TBC1D8: variants seen among roughly 807,000 people sequenced by gnomAD.
TBC1D8 encodes TBC1 domain family member 8, also known as BUB2-like protein 1.
In TBC1D8, 65 loss-of-function variants were observed where a neutral mutation model predicts 118.8. That is an observed-to-expected ratio of 0.55 (90% CI 0.45 to 0.67). The LOEUF is 0.67. Among genes scored for constraint, TBC1D8 ranks in the 30% least tolerant of loss-of-function variants. TBC1D8 has a pLI of 0.00. For synonymous variants in TBC1D8, 566 were observed against 595.8 expected (o/e 0.95, Z 0.73); for missense variants, 1,376 against 1,471.2 (o/e 0.94, Z 1.06).
At chr2:101,101,944 A>C (rs1463814387) in intron 1 of TBC1D8, among the ~76,000 whole-genome samples, 1 of 151,996 alleles carries the variant, frequency 6.6e-6, no homozygotes, top group Non-Finnish European at 1.5e-5. Context: ...CAATAGGTAC[A>C]GCAAACCACC....
intron 1 of TBC1D8, among the ~76,000 whole-genome samples, chr2:101,150,181 C>G (rs563427632): frequency 1.3e-5 from 2 of 152,168 alleles, no homozygotes; most frequent in Non-Finnish European, 2.9e-5. Flanking sequence ...AAGGCCTTCC[C>G]TAGACTGGTC....
chr2:101,087,125 G>A (rs577499806), intron 2 of TBC1D8, among the ~76,000 whole-genome samples: 1 of 152,154 alleles, frequency 6.6e-6, no homozygotes, highest in African/African-American at 2.4e-5. Flanking sequence ...ATTTGTATTG[G>A]GCTGCATTCA....
At chr2:101,110,739 G>A (rs772768328) in intron 1 of TBC1D8, among the ~76,000 whole-genome samples, 23 of 152,142 alleles carry the variant, frequency 1.5e-4, no homozygotes, top group African/African-American at 5.1e-4. Context: ...CACTTTCGGA[G>A]GCGGGTGGAT....
chr2:101,044,147 G>T (rs1681554378), intron 5 of TBC1D8, among the ~76,000 whole-genome samples: 1 of 152,158 alleles, frequency 6.6e-6, no homozygotes, highest in South Asian at 2.1e-4. Context: ...TTGCACATTT[G>T]GGTAGCCAGA....
intron 6 of TBC1D8, 127 bp from the exon 7 acceptor site, chr2:101,038,782 C>T (rs62152953): frequency 0.052 from 56,508 of 1,088,462 alleles, 1,966 homozygotes; most frequent in Non-Finnish European, 0.063. Context: ...GATGCAATGG[C>T]GAGAAAGTGG....
At chr2:101,013,951 C>T (rs948064458) in intron 17 of TBC1D8, among the ~76,000 whole-genome samples, 2 of 152,180 alleles carry the variant, frequency 1.3e-5, no homozygotes, top group African/African-American at 2.4e-5. Flanking sequence ...CGAGGCCCTG[C>T]GCTTGGATTA....
chr2:101,036,149 A>G lies in TBC1D8; in HGVS notation c.1472T>C (p.Ile491Thr). 6.2e-7 allele frequency: 1 copy of G among 1,613,844 alleles called. No individual in the cohort carries two copies. The highest frequency in any genetic ancestry group is 2.2e-5 in the East Asian group (1 of 44,880). ...CACAAAGTGGTCATTCCACAGGCTT[A>G]TTTTTATCTGTTCTCTGGACTGGAA... is the stretch of plus-strand genomic sequence containing the variant. ...DSRMSREQIK[I>T]SLWNDHFVEY... Residue 491 changes from isoleucine (I) to threonine (T), a missense_variant, in exon 9 of 20, where the codon ATA (isoleucine) becomes ACA (threonine). Transcript: ENST00000409318.
rs192747811 is a variant in TBC1D8, at chr2:101,101,061, T to G, written c.128-10697A>C. ...ATTGACAGATGTGATCTAATTAAAC[T>G]AAAGATCTTCTGCACAGCAAAAGAA... On this transcript the variant is annotated intron_variant, in intron 1 of 19. Transcript: ENST00000409318. Among the ~76,000 whole-genome samples, 4 of 152,138 alleles carry G rather than the reference T, an allele frequency of 2.6e-5. No individual in the cohort carries two copies. The East Asian group carries it at 7.7e-4, about 29-fold the overall frequency.
Position 101,106,320 on chromosome 2 carries a change from G to A in TBC1D8, c.128-15956C>T, listed in dbSNP as rs1004313636. Among the ~76,000 whole-genome samples the A allele has an allele frequency of 4.6e-5, 7 of 152,340 alleles. No individual in the cohort carries two copies. In the East Asian group the frequency reaches 1.2e-3, roughly 25 times the overall value. On this transcript the variant is annotated intron_variant, in intron 1 of 19. Coordinates refer to ENST00000409318, the MANE Select transcript of TBC1D8 (RefSeq NM_001330348.2). ...CACTGTGTGTTTGTCAAAACCCACAGAACTTTACAGGACAAAGAGTAAACC... is the reference window on the plus strand; with the variant it reads ...CACTGTGTGTTTGTCAAAACCCACAAAACTTTACAGGACAAAGAGTAAACC...
chr2:101,065,607 A>G (rs1682970948), intron 2 of TBC1D8, among the ~76,000 whole-genome samples: 2 of 152,344 alleles, frequency 1.3e-5, no homozygotes, highest in African/African-American at 4.8e-5. Flanking sequence ...TGATCATCCC[A>G]TCATCATGAT....
Position 101,010,044 on chromosome 2 carries a change from T to C in TBC1D8, c.3015+885A>G, listed in dbSNP as rs186551931. 9.4e-4 allele frequency among the ~76,000 whole-genome samples: 143 copies of C among 151,982 alleles called. 2 individuals carry two copies. In the East Asian group the frequency reaches 0.025, roughly 27 times the overall value. On this transcript the variant is annotated intron_variant, in intron 19 of 19. Coordinates refer to ENST00000409318, the MANE Select transcript of TBC1D8 (RefSeq NM_001330348.2). ...GGTTTCACCATGTTAGCCAGGATGG[T>C]CTCAATCTTCTGACCTCGTAATCCA...
chr2:101,096,796 G>GGAGAGAGAGA (rs139584234), intron 1 of TBC1D8, among the ~76,000 whole-genome samples: 34 of 146,598 alleles, frequency 2.3e-4, no homozygotes, highest in South Asian at 1.1e-3. Context: ...AGAGAGAGGG[G>GGAGAGAGAGA]GAGAGAGAGA....
rs114866556 is a variant in TBC1D8 at position 101,045,466 on chromosome 2, T to C, written c.872+4935A>G. On this transcript the variant is annotated intron_variant, in intron 5 of 19. Coordinates refer to ENST00000409318, the MANE Select transcript of TBC1D8 (RefSeq NM_001330348.2). The stretch of plus-strand genomic sequence containing the variant: ...AAGAGCCTACTGTGTGTCGGCAGGC[T>C]TAACGTTGCTTCCAGGCTTAACGCG... 2.7e-3 allele frequency among the ~76,000 whole-genome samples: 405 copies of C among 152,326 alleles called. 1 individual carries two copies. Among genetic ancestry groups the C allele is most frequent in the Middle Eastern group, 0.01 (3 of 294 alleles).
chr2:101,144,401 G>C (rs560068293), intron 1 of TBC1D8, among the ~76,000 whole-genome samples: 2 of 152,126 alleles, frequency 1.3e-5, no homozygotes, highest in African/African-American at 2.4e-5. Flanking sequence ...GCTTGGGGGT[G>C]GGGGAGGAGA....
intron 4 of TBC1D8, 84 bp from the exon 5 acceptor site, chr2:101,050,725 T>G: frequency 1.3e-6 from 2 of 1,537,566 alleles, no homozygotes; most frequent in Non-Finnish European, 8.8e-7. Context: ...TATCCAAAGC[T>G]CTCCTTAGGC....
At chr2:101,136,876 C>G (rs970834754) in intron 1 of TBC1D8, among the ~76,000 whole-genome samples, 1 of 152,136 alleles carries the variant, frequency 6.6e-6, no homozygotes, top group Admixed American at 6.5e-5. Flanking sequence ...ACCCATTTAA[C>G]TCTCTATGCT....
At chr2:101,040,131 AAAC>A (rs768707167) in intron 6 of TBC1D8, 44 bp downstream of exon 6, 2 of 1,586,962 alleles carry the variant, frequency 1.3e-6, no homozygotes, top group Admixed American at 3.4e-5. Flanking sequence ...CCTTGTGTTC[AAAC>A]AACAAAAGGC....
chr2:101,068,062 C>T (rs1431134082), intron 2 of TBC1D8, among the ~76,000 whole-genome samples: 2 of 152,144 alleles, frequency 1.3e-5, no homozygotes, highest in East Asian at 3.9e-4. Context: ...GCAATTCAGT[C>T]CCATCTTCAG....
intron 1 of TBC1D8, among the ~76,000 whole-genome samples, chr2:101,134,527 G>A (rs1460921752): frequency 1.3e-5 from 2 of 152,040 alleles, no homozygotes; most frequent in Non-Finnish European, 2.9e-5. Flanking sequence ...AAAATCAAGG[G>A]GCTAGCAAAT....
Sources: allele counts gnomAD v4.1 joint callset (sites outside exome capture counted in the v4.1 genomes callset), GRCh38; gene constraint gnomAD v4.1.1; transcripts MANE v1.5; gene names NCBI Gene and HGNC (gene_info 2026-07-23, HGNC 2026-07-21).